MKLN1: variants seen among roughly 807,000 people sequenced by gnomAD.
MKLN1 encodes muskelin.
Under a neutral mutation model 99.0 loss-of-function variants are expected in MKLN1, and 18 were observed. The observed-to-expected ratio is 0.18, with a 90% CI of 0.13 to 0.27. The LOEUF is 0.27. MKLN1 is among the 10% of genes least tolerant of loss of function. The pLI is 1.00. For synonymous variants in MKLN1, 288 were observed against 293.2 expected (o/e 0.98, Z 0.18); for missense variants, 621 against 875.9 (o/e 0.71, Z 3.67).
At chr7:131,381,894 T>G (rs116589062) in intron 2 of MKLN1, among the ~76,000 whole-genome samples, 56 of 152,364 alleles carry the variant, frequency 3.7e-4, no homozygotes, top group African/African-American at 1.3e-3. Flanking sequence ...TACATCTGTA[T>G]GTACTCACAA....
At chr7:131,426,842 C>T (rs945088640) in intron 8 of MKLN1, among the ~76,000 whole-genome samples, 13 of 152,060 alleles carry the variant, frequency 8.5e-5, no homozygotes, top group African/African-American at 3.1e-4. Flanking sequence ...GCAGCCTCCA[C>T]CTCCTGAGTT....
chr7:131,238,402 C>G (rs1797355845), intron 3 of MKLN1, among the ~76,000 whole-genome samples: 1 of 152,194 alleles, frequency 6.6e-6, no homozygotes, highest in Admixed American at 6.5e-5. Flanking sequence ...TGCATTATAC[C>G]AGTCTTGCTA....
chr7:131,161,687 G>T (rs1464787546), intron 2 of MKLN1, among the ~76,000 whole-genome samples: 1 of 151,884 alleles, frequency 6.6e-6, no homozygotes, highest in Non-Finnish European at 1.5e-5. Flanking sequence ...GAGTAGCTGG[G>T]ACTACAGGCG....
chr7:131,451,170 T>A (rs771502990), intron 12 of MKLN1, among the ~76,000 whole-genome samples: 11 of 152,250 alleles, frequency 7.2e-5, no homozygotes, highest in East Asian at 1.9e-4. Context: ...CCCACATTTT[T>A]AAAATATTCT....
At chr7:131,210,588 A>G (rs1202590043) in intron 3 of MKLN1, among the ~76,000 whole-genome samples, 3 of 144,786 alleles carry the variant, frequency 2.1e-5, no homozygotes, top group Non-Finnish European at 3.0e-5. Flanking sequence ...CTGTAGTCCT[A>G]GCTACTTGGG....
chr7:131,364,880 A>G (rs910341309), intron 1 of MKLN1, among the ~76,000 whole-genome samples: 3 of 152,032 alleles, frequency 2.0e-5, no homozygotes, highest in African/African-American at 4.8e-5. Flanking sequence ...GGTTGACTCC[A>G]TGTCTTTACT....
chr7:131,186,167 G>C lies in MKLN1; in HGVS notation c.-296-16690G>C, dbSNP rs533939316. Among the ~76,000 whole-genome samples the C allele has an allele frequency of 2.6e-5, 4 of 151,760 alleles. No individual in the cohort carries two copies. The South Asian group carries it at 8.3e-4, about 31-fold the overall frequency. ...AATCATGTCATTGCACTCCAGCCTGGGTGACAGAATAAGACTCCGTCTCAA... is the reference window on the plus strand; with the variant it reads ...AATCATGTCATTGCACTCCAGCCTGCGTGACAGAATAAGACTCCGTCTCAA... On this transcript the variant is annotated intron_variant, in intron 2 of 7. Transcript: ENST00000416992.
At chr7:131,359,116 C>CT (rs1799958174) in intron 1 of MKLN1, among the ~76,000 whole-genome samples, 1 of 152,120 alleles carries the variant, frequency 6.6e-6, no homozygotes, top group Non-Finnish European at 1.5e-5. Flanking sequence ...AAGTGATTGA[C>CT]TTTAAGTTGT....
intron 3 of MKLN1, among the ~76,000 whole-genome samples, chr7:131,303,268 T>C (rs1362157324): frequency 6.6e-6 from 1 of 152,236 alleles, no homozygotes; most frequent in Non-Finnish European, 1.5e-5. Flanking sequence ...GTCTGATTTC[T>C]GCAGCAGGCG....
chr7:131,426,536 A>G (rs1795363075), intron 8 of MKLN1, among the ~76,000 whole-genome samples: 2 of 152,124 alleles, frequency 1.3e-5, no homozygotes, highest in African/African-American at 4.8e-5. Context: ...GGATTGTTTT[A>G]TAGTTCCAAG....
At chr7:131,122,817 G>A (rs1584774141) in intron 1 of MKLN1, among the ~76,000 whole-genome samples, 1 of 151,702 alleles carries the variant, frequency 6.6e-6, no homozygotes, top group Admixed American at 6.6e-5. Flanking sequence ...GTCGGGAGAT[G>A]GAGACCATCC....
chr7:131,204,948 A>AAAAAAC, intron 3 of MKLN1, among the ~76,000 whole-genome samples: 1 of 151,134 alleles, frequency 6.6e-6, no homozygotes, highest in Non-Finnish European at 1.5e-5. Flanking sequence ...AAAAAAAAAA[A>AAAAAAC]TTAGCTGGGT....
At chr7:131,121,797 T>C (rs965332391) in intron 1 of MKLN1, among the ~76,000 whole-genome samples, 1 of 152,130 alleles carries the variant, frequency 6.6e-6, no homozygotes, top group Non-Finnish European at 1.5e-5. Context: ...GTGAGGTTCA[T>C]AAGAGCTGCT....
At chr7:131,184,594 G>A (rs948992428) in intron 2 of MKLN1, among the ~76,000 whole-genome samples, 36 of 151,816 alleles carry the variant, frequency 2.4e-4, no homozygotes, top group African/African-American at 6.3e-4. Context: ...GCGTGGTCTC[G>A]GTTTACTGCA....
chr7:131,213,279 C>A (rs1187059126), intron 3 of MKLN1, among the ~76,000 whole-genome samples: 1 of 152,062 alleles, frequency 6.6e-6, no homozygotes, highest in East Asian at 1.9e-4. Context: ...TATATTGCAG[C>A]CCAAAGAACT....
chr7:131,260,099 A>G (rs1797711462), intron 3 of MKLN1, among the ~76,000 whole-genome samples: 1 of 151,732 alleles, frequency 6.6e-6, no homozygotes, highest in Non-Finnish European at 1.5e-5. Flanking sequence ...AGGCTGGAGT[A>G]CAGTGGCACG....
intron 8 of MKLN1, among the ~76,000 whole-genome samples, chr7:131,420,272 T>G (rs1584723538): frequency 2.2e-5 from 3 of 138,298 alleles, no homozygotes; most frequent in African/African-American, 2.7e-5. Context: ...TATGAGAAGG[T>G]GAAAGAGAAA....
At chr7:131,347,473 A>T (rs1216350910) in intron 1 of MKLN1, among the ~76,000 whole-genome samples, 2 of 152,200 alleles carry the variant, frequency 1.3e-5, no homozygotes, top group Non-Finnish European at 2.9e-5. Flanking sequence ...AGCATACCTG[A>T]ACCAAGAAGC....
chr7:131,204,646 A>G (rs963515728), intron 3 of MKLN1, among the ~76,000 whole-genome samples: 1 of 151,618 alleles, frequency 6.6e-6, no homozygotes, highest in Non-Finnish European at 1.5e-5. Context: ...CCTGGCCAAC[A>G]TGGTGGAACC....
Sources: gnomAD v4.1 joint callset for allele counts (sites outside exome capture counted in the v4.1 genomes callset) on GRCh38, gnomAD v4.1.1 for gene constraint, MANE v1.5 for transcripts, NCBI Gene and HGNC (gene_info 2026-07-23, HGNC 2026-07-21) for gene names.